Variants in FAM110B observed in about 807,000 individuals in gnomAD.
FAM110B encodes family with sequence similarity 110 member B.
In FAM110B, 6 loss-of-function variants were observed where a neutral mutation model predicts 20.4. The ratio of observed to expected loss-of-function variants is 0.29; its 90% CI spans 0.16 to 0.58. The LOEUF (loss-of-function observed/expected upper bound fraction) is 0.58. FAM110B is among the 20% of genes least tolerant of loss of function. The probability of loss-of-function intolerance (pLI) is 0.90; values close to 1 mark genes in which losing one functional copy is unlikely to be tolerated. For synonymous variants in FAM110B, 226 were observed against 214.1 expected, an observed-to-expected ratio of 1.06 and a Z score of -0.49; for missense variants, 434 against 498.2, an observed-to-expected ratio of 0.87 and a Z score of 1.23.
In FAM110B at chr8:57,994,625, C is replaced by G. The variant is rs1804139379; in HGVS notation, c.-693C>G. 6.6e-6 allele frequency: 1 copy of G among 152,342 alleles called. No individual in the cohort carries two copies. Among genetic ancestry groups the G allele is most frequent in the Admixed American group, 6.5e-5 (1 of 15,278 alleles). 9.4% of individuals were successfully genotyped at this position (152,342 alleles called of 1,614,324 possible). A position where few individuals can be genotyped will look rare whatever the true frequency, so the allele number is the denominator to read the frequency against. ...CGCGGCCGCGCGTCCTGGGCCCGTT[C>G]CGCCAGCCCCGTCTGCTCTCTACCC... On this transcript the variant is annotated 5_prime_UTR_variant, in exon 1 of 4. Transcript: ENST00000519262.
In FAM110B at chr8:58,147,136, C is replaced by A. The variant is rs1189305096; in HGVS notation, c.906C>A (p.Asp302Glu). 1.2e-6 allele frequency: 2 copies of A among 1,614,050 alleles called. No individual in the cohort carries two copies. Among genetic ancestry groups the A allele is most frequent in the Non-Finnish European group, 1.7e-6 (2 of 1,180,052 alleles). ...GMENFARANS[D>E]IISLNFRSAS... The stretch of plus-strand genomic sequence containing the variant: ...AAAACTTTGCAAGGGCTAATTCTGA[C>A]ATAATATCCCTCAACTTCCGCAGCG... The change falls in exon 4 of 4, where the codon GAC (aspartate) becomes GAA (glutamate). Residue 302 changes from aspartate to glutamate, a missense_variant. Asp to Glu is a conservative substitution (Grantham distance 45). Around this residue, in one of 3 missense-constraint regions of FAM110B, gnomAD observed 94 missense variants for 137.8 expected, o/e 0.68. Coordinates refer to ENST00000519262, the MANE Select transcript of FAM110B (RefSeq NM_001377989.1).
intron 3 of FAM110B, among the ~76,000 whole-genome samples, chr8:58,130,603 C>G (rs1471234896): frequency 1.3e-5 from 2 of 152,238 alleles, no homozygotes; most frequent in African/African-American, 4.8e-5. Flanking sequence ...GCCACAAAAA[C>G]AGGGAATTGT....
intron 3 of FAM110B, chr8:58,113,691 G>A (rs994440568): frequency 6.6e-6 from 1 of 152,282 alleles, no homozygotes; most frequent in African/African-American, 2.4e-5. Flanking sequence ...CTATCACATT[G>A]AGGATTAGGT....
chr8:58,017,098 G>A (rs1804653912), intron 1 of FAM110B, among the ~76,000 whole-genome samples: 1 of 152,226 alleles, frequency 6.6e-6, no homozygotes, highest in Non-Finnish European at 1.5e-5. Context: ...GGAGATGCTA[G>A]TGTGGTAGGT....
At chr8:58,140,509 C>A (rs1026859813) in intron 3 of FAM110B, among the ~76,000 whole-genome samples, 1 of 152,184 alleles carries the variant, frequency 6.6e-6, no homozygotes, top group African/African-American at 2.4e-5. Context: ...TGCTCAGAGC[C>A]CAGCTGCCAT....
At chr8:58,006,923 A>ATATATATATATATATTTTTTTTTTTT in intron 1 of FAM110B, among the ~76,000 whole-genome samples, 5 of 126,512 alleles carry the variant, frequency 4.0e-5, no homozygotes, top group African/African-American at 6.1e-5. Context: ...ATATATATAT[A>ATATATATATATATATTTTTTTTTTTT]TTTTTCCAAA....
At chr8:58,092,730 A>G (rs1435210767) in intron 3 of FAM110B, among the ~76,000 whole-genome samples, 3 of 152,346 alleles carry the variant, frequency 2.0e-5, no homozygotes, top group African/African-American at 7.2e-5. Context: ...TCTTTATAGT[A>G]GAATGATTTA....
intron 2 of FAM110B, among the ~76,000 whole-genome samples, chr8:58,058,816 AG>A (rs1805599335): frequency 6.6e-6 from 1 of 152,180 alleles, no homozygotes; most frequent in African/African-American, 2.4e-5. Context: ...TTTGTACAAT[AG>A]GGTTTTTTGA....
chr8:58,112,921 C>T (rs954359298), intron 3 of FAM110B, among the ~76,000 whole-genome samples: 1 of 152,196 alleles, frequency 6.6e-6, no homozygotes, highest in African/African-American at 2.4e-5. Context: ...TTATTTCCCA[C>T]AGTTCTGGAG....
intron 2 of FAM110B, among the ~76,000 whole-genome samples, chr8:58,047,591 CCTCTCTCTCT>C (rs56031012): frequency 0.011 from 820 of 74,752 alleles, 16 homozygotes; most frequent in South Asian, 0.018. Context: ...CTTCCTTTTT[CCTCTCTCTCT>C]CTCTCTCTCT....
At chr8:58,071,874 T>C (rs1805906237) in intron 2 of FAM110B, among the ~76,000 whole-genome samples, 1 of 152,230 alleles carries the variant, frequency 6.6e-6, no homozygotes, top group Admixed American at 6.5e-5. Context: ...ACAGTCGTTC[T>C]ACTTCACATT....
chr8:58,025,191 T>C (rs1122328), intron 1 of FAM110B, among the ~76,000 whole-genome samples: 130,485 of 152,134 alleles, frequency 0.86, 56,354 homozygotes, highest in African/African-American at 0.94. Flanking sequence ...CAAATGTTTT[T>C]GTGGAGATGA....
chr8:58,066,279 A>G (rs1805759138), intron 2 of FAM110B, among the ~76,000 whole-genome samples: 1 of 152,112 alleles, frequency 6.6e-6, no homozygotes, highest in South Asian at 2.1e-4. Context: ...GTCCAACACT[A>G]TTATCCCTCT....
At chr8:58,079,653 C>A (rs564022551) in intron 3 of FAM110B, among the ~76,000 whole-genome samples, 1 of 151,940 alleles carries the variant, frequency 6.6e-6, no homozygotes, top group African/African-American at 2.4e-5. Flanking sequence ...TTGTGGCATG[C>A]GCCTGTAGTT....
At chr8:58,093,692 G>A (rs1317283424) in intron 3 of FAM110B, among the ~76,000 whole-genome samples, 3 of 152,106 alleles carry the variant, frequency 2.0e-5, no homozygotes, top group Admixed American at 6.6e-5. Context: ...GATGCCTCCA[G>A]CTTTGTTCTT....
intron 3 of FAM110B, among the ~76,000 whole-genome samples, chr8:58,120,102 GA>G (rs754509982): frequency 6.6e-6 from 1 of 152,200 alleles, no homozygotes; most frequent in Non-Finnish European, 1.5e-5. Context: ...TTTCTACCTA[GA>G]GTGAGGAAAT....
At chr8:58,143,464 A>G (rs1803786077) in intron 3 of FAM110B, among the ~76,000 whole-genome samples, 1 of 152,248 alleles carries the variant, frequency 6.6e-6, no homozygotes. Context: ...ATGAAGTATG[A>G]AATACTTGCA....
intron 1 of FAM110B, among the ~76,000 whole-genome samples, chr8:58,008,994 C>G (rs758904316): frequency 8.5e-5 from 13 of 152,188 alleles, no homozygotes; most frequent in Non-Finnish European, 1.6e-4. Flanking sequence ...TCATCTTTTC[C>G]TTCCTCTCTG....
chr8:58,045,974 C>CA (rs1805312137), intron 2 of FAM110B, among the ~76,000 whole-genome samples: 1 of 152,172 alleles, frequency 6.6e-6, no homozygotes, highest in South Asian at 2.1e-4. Context: ...GCAGAAGGGA[C>CA]AAGGCAGCTC....
Sources: gnomAD v4.1 joint callset for allele counts (sites outside exome capture counted in the v4.1 genomes callset) on GRCh38, gnomAD v4.1.1 for gene constraint, gnomAD v4.1.1 regional missense constraint, MANE v1.5 for transcripts, NCBI Gene and HGNC (gene_info 2026-07-23, HGNC 2026-07-21) for gene names.